Variants in FGGY observed in about 807,000 individuals in gnomAD.
The protein encoded by FGGY is FGGY carbohydrate kinase domain-containing protein.
FGGY carries 72 observed loss-of-function variants against 71.3 expected under a neutral mutation model. The observed-to-expected ratio is 1.01, with a 90% CI of 0.84 to 1.23. The LOEUF (loss-of-function observed/expected upper bound fraction) is 1.23. Among genes scored for constraint, FGGY ranks in the 50% most tolerant of loss-of-function variants. The probability of loss-of-function intolerance (pLI) is 0.00; values close to 1 mark genes in which losing one functional copy is unlikely to be tolerated. For missense variants in FGGY, 668 were observed against 682.3 expected (o/e 0.98, Z 0.23); for synonymous variants, 251 against 250.3 (o/e 1.00, Z -0.02).
chr1:59,593,117 G>A (rs1051114822), intron 8 of FGGY, among the ~76,000 whole-genome samples: 2 of 152,186 alleles, frequency 1.3e-5, no homozygotes, highest in Non-Finnish European at 2.9e-5. Context: ...CACTCTGTGT[G>A]GGACATTTAT....
chr1:59,434,635 C>T (rs772196040), intron 5 of FGGY, among the ~76,000 whole-genome samples: 1 of 152,172 alleles, frequency 6.6e-6, no homozygotes, highest in Non-Finnish European at 1.5e-5. Context: ...GATCCAGGCC[C>T]CAGTTTATTC....
rs577713210 is a variant in FGGY at position 59,546,904 on chromosome 1, C to T, written c.800-7220C>T. ...GGTAAGTTCTAGACCACATTTCTTT[C>T]AAGGTCAAAGCAATACTTCATGAAA... On this transcript the variant is annotated intron_variant, in intron 7 of 15. Coordinates refer to ENST00000303721, the MANE Select transcript of FGGY (RefSeq NM_018291.5). Among the ~76,000 whole-genome samples, 14 of 149,808 alleles carry T rather than the reference C, an allele frequency of 9.3e-5. 1 individual carries two copies. The South Asian group carries it at 2.4e-3, about 25-fold the overall frequency.
Position 59,378,781 on chromosome 1 carries a change from A to G in FGGY, c.498A>G (p.Gly166=). ...GAGAGATTTGCTGGGATAAGGCGGG[A>G]CATTTCTTTGATCTCCCGGACTTCT... The part of the protein sequence containing the change: ...NLREICWDKA[G]HFFDLPDFLS... Residue 166 remains glycine (G), a synonymous_variant, in exon 5 of 16, where the codon GGA becomes GGG. Coordinates refer to ENST00000303721, the MANE Select transcript of FGGY (RefSeq NM_018291.5). 1 of 1,613,556 alleles carries G rather than the reference A, an allele frequency of 6.2e-7. No individual in the cohort carries two copies. Among genetic ancestry groups the G allele is most frequent in the Non-Finnish European group, 8.5e-7 (1 of 1,179,662 alleles).
intron 14 of FGGY, among the ~76,000 whole-genome samples, chr1:59,699,641 T>C (rs1448914182): frequency 1.3e-5 from 2 of 152,224 alleles, no homozygotes; most frequent in Non-Finnish European, 1.5e-5. Context: ...AAGAGGTTTT[T>C]ATAAAAATAA....
At chr1:59,419,583 G>T (rs578198535) in intron 5 of FGGY, among the ~76,000 whole-genome samples, 1 of 152,196 alleles carries the variant, frequency 6.6e-6, no homozygotes, top group Non-Finnish European at 1.5e-5. Flanking sequence ...TGAGATTGGA[G>T]TTGTACGGGG....
intron 8 of FGGY, among the ~76,000 whole-genome samples, chr1:59,572,174 T>C (rs2095998054): frequency 6.6e-6 from 1 of 152,152 alleles, no homozygotes; most frequent in Non-Finnish European, 1.5e-5. Context: ...TATCAGAACA[T>C]AGAGCCAAGT....
chr1:59,549,761 A>G (rs965088057), intron 7 of FGGY, among the ~76,000 whole-genome samples: 2 of 152,210 alleles, frequency 1.3e-5, no homozygotes, highest in African/African-American at 4.8e-5. Flanking sequence ...TAATCATAAC[A>G]TTTGCAAAGT....
chr1:59,753,928 C>T (rs888686368), intron 14 of FGGY, among the ~76,000 whole-genome samples: 7 of 151,982 alleles, frequency 4.6e-5, no homozygotes, highest in African/African-American at 1.7e-4. Flanking sequence ...CTTTATGGTC[C>T]TTTAAGTTGT....
At chr1:59,330,933 A>G (rs556135042) in intron 2 of FGGY, among the ~76,000 whole-genome samples, 2 of 152,266 alleles carry the variant, frequency 1.3e-5, no homozygotes, top group South Asian at 2.1e-4. Flanking sequence ...TAAGGATGTC[A>G]GGAGGCAGAC....
At chr1:59,358,490 C>T (rs1325106560) in intron 4 of FGGY, among the ~76,000 whole-genome samples, 1 of 152,058 alleles carries the variant, frequency 6.6e-6, no homozygotes, top group Non-Finnish European at 1.5e-5. Context: ...ATTACCCGCC[C>T]TGCCACCCCC....
chr1:59,369,755 C>T (rs1397006974), intron 4 of FGGY, among the ~76,000 whole-genome samples: 4 of 152,278 alleles, frequency 2.6e-5, no homozygotes, highest in Non-Finnish European at 4.4e-5. Context: ...TCACGGTTCA[C>T]GAAAAACGAC....
At chr1:59,474,233 A>G (rs2093146346) in intron 6 of FGGY, 1 of 152,216 alleles carries the variant, frequency 6.6e-6, no homozygotes. Flanking sequence ...TGCTGTGGAA[A>G]TGTTCCTCCT....
At chr1:59,644,963 G>A (rs1211503660) in intron 11 of FGGY, among the ~76,000 whole-genome samples, 3 of 149,342 alleles carry the variant, frequency 2.0e-5, no homozygotes, top group South Asian at 4.2e-4. Flanking sequence ...GCAAGACAGC[G>A]AGGCTCCATC....
intron 14 of FGGY, among the ~76,000 whole-genome samples, chr1:59,752,205 T>C (rs549127358): frequency 2.0e-5 from 3 of 152,234 alleles, no homozygotes. Context: ...TAATGAGAAT[T>C]CCCTGGAGTT....
chr1:59,354,818 CGAAG>C (rs1443753940), intron 4 of FGGY, among the ~76,000 whole-genome samples: 2 of 152,122 alleles, frequency 1.3e-5, no homozygotes, highest in Non-Finnish European at 2.9e-5. Context: ...GAAAATGCTA[CGAAG>C]GAAAAACACA....
chr1:59,716,344 A>G lies in FGGY; in HGVS notation c.1513-41587A>G, dbSNP rs78038675. 4.3e-3 allele frequency among the ~76,000 whole-genome samples: 659 copies of G among 152,300 alleles called. 7 individuals carry two copies. Among genetic ancestry groups the G allele is most frequent in the African/African-American group, 0.015 (637 of 41,560 alleles). On this transcript the variant is annotated intron_variant, in intron 14 of 15. Coordinates refer to ENST00000303721, the MANE Select transcript of FGGY (RefSeq NM_018291.5). ...CAGTTACCTTTTGCTTTTCTTCTGC[A>G]AGATAATTCAGTTAAGCATATTTCT...
At chr1:59,486,706 TA>T (rs1289104420) in intron 6 of FGGY, among the ~76,000 whole-genome samples, 1 of 152,134 alleles carries the variant, frequency 6.6e-6, no homozygotes. Context: ...TGACATGACC[TA>T]TATGGAGTCT....
chr1:59,426,279 C>T (rs1169154271), intron 5 of FGGY, among the ~76,000 whole-genome samples: 1 of 152,172 alleles, frequency 6.6e-6, no homozygotes, highest in East Asian at 1.9e-4. Context: ...TCCTCCCTTT[C>T]CCCAGCAGAA....
chr1:59,512,249 C>A (rs1009127964), intron 6 of FGGY, 62 bp from the exon 7 acceptor site: 53 of 1,510,550 alleles, frequency 3.5e-5, no homozygotes, highest in Non-Finnish European at 4.6e-5. Flanking sequence ...TTAAAAAAAA[C>A]CCTCTGTTTA....
Sources: gnomAD v4.1 joint callset for allele counts (sites outside exome capture counted in the v4.1 genomes callset) on GRCh38, gnomAD v4.1.1 for gene constraint, MANE v1.5 for transcripts, NCBI Gene and HGNC (gene_info 2026-07-23, HGNC 2026-07-21) for gene names.